COLEC12: variants seen among roughly 807,000 people sequenced by gnomAD.
COLEC12 encodes collectin subfamily member 12, also known as collectin-12.
COLEC12 carries 33 observed loss-of-function variants against 71.1 expected under a neutral mutation model. That is an observed-to-expected ratio of 0.46 (90% CI 0.35 to 0.62). The LOEUF (loss-of-function observed/expected upper bound fraction) is 0.62. Ranked by LOEUF, COLEC12 falls within the 20% of genes least tolerant of loss-of-function variation. The pLI is 0.00. For synonymous variants in COLEC12, 350 were observed against 353.0 expected, an observed-to-expected ratio of 0.99 and a Z score of 0.10; for missense variants, 765 against 916.1, an observed-to-expected ratio of 0.84 and a Z score of 2.13.
At chr18:378,290 C>T (rs762507905) in intron 2 of COLEC12, among the ~76,000 whole-genome samples, 13 of 152,162 alleles carry the variant, frequency 8.5e-5, no homozygotes, top group Non-Finnish European at 1.9e-4. Context: ...CCAGGCTGCA[C>T]AGAGCTGAGG....
intron 2 of COLEC12, among the ~76,000 whole-genome samples, chr18:431,820 C>CAGT (rs1916309808): frequency 6.6e-6 from 1 of 152,102 alleles, no homozygotes; most frequent in East Asian, 1.9e-4. Flanking sequence ...GTAGCAGCAG[C>CAGT]AGTAGTAATA....
Position 500,664 on chromosome 18 carries a change from G to A in COLEC12, c.-150C>T, listed in dbSNP as rs1166447997. Reference sequence around the variant, plus strand: ...GCCCCCGTCCTCCCTCGCCGCCGCCGGCCCGCGCTCCCCGCGCTCCCGGCT... The same window carrying A: ...GCCCCCGTCCTCCCTCGCCGCCGCCAGCCCGCGCTCCCCGCGCTCCCGGCT... On this transcript the variant is annotated 5_prime_UTR_variant, in exon 1 of 10. Transcript: ENST00000400256. The surrounding 1 kb of genome is among the most constrained non-coding windows in gnomAD (Gnocchi z 5.3). 2.0e-5 allele frequency: 9 copies of A among 454,168 alleles called. No individual in the cohort carries two copies. The highest frequency in any genetic ancestry group is 1.1e-4 in the Admixed American group (2 of 17,734). The allele number at this position is 454,168 out of a possible 1,614,324, so 28.1% of individuals were successfully genotyped here. A position where few individuals can be genotyped will look rare whatever the true frequency, so the allele number is the denominator to read the frequency against.
intron 2 of COLEC12, among the ~76,000 whole-genome samples, chr18:380,018 A>G (rs1362099261): frequency 2.0e-5 from 3 of 152,054 alleles, no homozygotes; most frequent in Non-Finnish European, 1.5e-5. Flanking sequence ...AAAGAATCCT[A>G]CTTCCCTCTG....
At position 500,524 on chromosome 18, in the gene COLEC12, G is replaced by A; in HGVS notation, c.-10C>T. 1 of 1,228,192 alleles carries A rather than the reference G, an allele frequency of 8.1e-7. No homozygotes were observed. The highest frequency in any genetic ancestry group is 3.8e-5 in the South Asian group (1 of 26,040). The allele number at this position is 1,228,192 out of a possible 1,614,324, so 76.1% of individuals were successfully genotyped here. Reference sequence around the variant, plus strand: ...CCGCCCTACCTTTCATGGTGACCGTGGGGACGCACCGCCGGCCGGGGAGCT... The same window carrying A: ...CCGCCCTACCTTTCATGGTGACCGTAGGGACGCACCGCCGGCCGGGGAGCT... On this transcript the variant is annotated 5_prime_UTR_variant, in exon 1 of 10. Transcript: ENST00000400256. The surrounding 1 kb of genome is among the most constrained non-coding windows in gnomAD (Gnocchi z 5.3).
intron 1 of COLEC12, among the ~76,000 whole-genome samples, chr18:497,211 A>C (rs113184633): frequency 2.6e-5 from 4 of 152,112 alleles, no homozygotes; most frequent in African/African-American, 9.7e-5. Flanking sequence ...GCAGGATTAC[A>C]CTCCAAGAGC....
Position 334,878 on chromosome 18 carries a change from TCCAGGCACC to T in COLEC12, c.1671_1679del (p.Val558_Gly560del). The T allele has an allele frequency of 6.6e-7, 1 of 1,522,132 alleles. No homozygotes were observed. Among genetic ancestry groups the T allele is most frequent in the Non-Finnish European group, 8.7e-7 (1 of 1,145,246 alleles). The allele number at this position is 1,522,132 out of a possible 1,614,324, so 94.3% of individuals were successfully genotyped here. ...CAGGCAAGCCTGGCAGTCCCCGAGG[TCCAGGCACC>T]CCAGGCTCCCCAACGGTGCCCTGAA... is the stretch of plus-strand genomic sequence containing the variant. On this transcript the variant is annotated inframe_deletion, in exon 6 of 10. Coordinates refer to ENST00000400256, the MANE Select transcript of COLEC12 (RefSeq NM_130386.3).
intron 2 of COLEC12, among the ~76,000 whole-genome samples, chr18:411,928 T>C (rs1171102438): frequency 1.3e-5 from 2 of 152,064 alleles, no homozygotes; most frequent in African/African-American, 4.8e-5. Context: ...ACAGAGCGAA[T>C]ATAGATTGAA....
At chr18:410,596 T>C (rs1915873993) in intron 2 of COLEC12, among the ~76,000 whole-genome samples, 1 of 152,078 alleles carries the variant, frequency 6.6e-6, no homozygotes, top group African/African-American at 2.4e-5. Flanking sequence ...GCTGTATTTT[T>C]GTATTTTTAG....
rs372719909 is a variant in COLEC12, at chr18:484,402, G to A, written c.8-3645C>T. Among the ~76,000 whole-genome samples the A allele has an allele frequency of 1.8e-4, 27 of 152,238 alleles. No individual in the cohort carries two copies. The East Asian group carries it at 4.6e-3, about 26-fold the overall frequency. On this transcript the variant is annotated intron_variant, in intron 1 of 9. Transcript: ENST00000400256. The stretch of plus-strand genomic sequence containing the variant: ...CTGCTTCTCATCTTAACCCTCATCC[G>A]AAAAGGATTAGGGATTCTTGTAACA...
In COLEC12 at chr18:481,064, TTC is replaced by T. The variant is rs368352538; in HGVS notation, c.8-309_8-308del. 4.6e-5 allele frequency among the ~76,000 whole-genome samples: 7 copies of T among 152,304 alleles called. No individual in the cohort carries two copies. In the East Asian group the frequency reaches 1.2e-3, roughly 25 times the overall value. On this transcript the variant is annotated intron_variant, in intron 1 of 9. Transcript: ENST00000400256. ...CTGCCACGCTACACTAATTCAATGT[TTC>T]TCTCTGATATCTTCCTCACATGTGT...
chr18:347,607 C>G (rs958032328), intron 4 of COLEC12, among the ~76,000 whole-genome samples: 1 of 152,004 alleles, frequency 6.6e-6, no homozygotes, highest in Non-Finnish European at 1.5e-5. Flanking sequence ...GATTTTAGGG[C>G]AGTGGGCAGG....
chr18:441,244 T>C (rs1018337941), intron 2 of COLEC12, among the ~76,000 whole-genome samples: 5 of 151,570 alleles, frequency 3.3e-5, no homozygotes, highest in African/African-American at 1.2e-4. Context: ...CGAGACTCTG[T>C]CTCAAAAAAT....
chr18:370,351 C>G (rs1230981815), intron 2 of COLEC12, among the ~76,000 whole-genome samples: 1 of 151,874 alleles, frequency 6.6e-6, no homozygotes, highest in Non-Finnish European at 1.5e-5. Context: ...ATTTTATTTC[C>G]CCGATGGCCA....
In COLEC12 at chr18:395,635, C is replaced by T. The variant is rs368254225; in HGVS notation, c.59-38113G>A. Among the ~76,000 whole-genome samples the T allele has an allele frequency of 1.2e-4, 19 of 152,210 alleles. 1 individual carries two copies. In the South Asian group the frequency reaches 1.9e-3, roughly 15 times the overall value. ...CCTAGAGTTTATATAAGTTCCGAGG[C>T]GATTAGAGTCAGCCGACAAATTGGA... On this transcript the variant is annotated intron_variant, in intron 2 of 9. Transcript: ENST00000400256.
At chr18:341,485 G>A (rs1312681769) in intron 5 of COLEC12, among the ~76,000 whole-genome samples, 2 of 152,142 alleles carry the variant, frequency 1.3e-5, no homozygotes, top group Non-Finnish European at 2.9e-5. Flanking sequence ...AGCATCCTGG[G>A]GTCTGATTCA....
At chr18:482,467 C>A (rs1312456100) in intron 1 of COLEC12, among the ~76,000 whole-genome samples, 2 of 151,948 alleles carry the variant, frequency 1.3e-5, no homozygotes, top group Non-Finnish European at 2.9e-5. Flanking sequence ...TCTAGGGGAC[C>A]CTGTCTGACT....
rs140424631 is a variant in COLEC12, at chr18:442,700, G to A, written c.58+38007C>T. ...AAGTCAGCCGGGCGCAGTGGCTCACGCCTGTAATCCCAGTACTTTGGGAGG... is the reference window on the plus strand; with the variant it reads ...AAGTCAGCCGGGCGCAGTGGCTCACACCTGTAATCCCAGTACTTTGGGAGG... On this transcript the variant is annotated intron_variant, in intron 2 of 9. Coordinates refer to ENST00000400256, the MANE Select transcript of COLEC12 (RefSeq NM_130386.3). Among the ~76,000 whole-genome samples, 52 of 152,342 alleles carry A rather than the reference G, an allele frequency of 3.4e-4. No homozygotes were observed. The East Asian group carries it at 9.4e-3, about 28-fold the overall frequency.
In COLEC12 at chr18:464,771, T is replaced by C. The variant is rs116261541; in HGVS notation, c.58+15936A>G. On this transcript the variant is annotated intron_variant, in intron 2 of 9. Coordinates refer to ENST00000400256, the MANE Select transcript of COLEC12 (RefSeq NM_130386.3). ...AATACAACAGGTACACAACATATAC[T>C]GTTCAATCTCATCCAACGAACTCTC... Among the ~76,000 whole-genome samples, 921 of 152,352 alleles carry C rather than the reference T, an allele frequency of 6.0e-3. 14 individuals carry two copies. Among genetic ancestry groups the C allele is most frequent in the African/African-American group, 0.021 (867 of 41,582 alleles).
At chr18:405,822 C>T (rs149205054) in intron 2 of COLEC12, among the ~76,000 whole-genome samples, 25 of 152,052 alleles carry the variant, frequency 1.6e-4, no homozygotes, top group African/African-American at 5.8e-4. Flanking sequence ...CCTGGCCTGC[C>T]GTTCATCTGC....
Sources: allele counts gnomAD v4.1 joint callset (sites outside exome capture counted in the v4.1 genomes callset), GRCh38; gene constraint gnomAD v4.1.1; non-coding constraint Gnocchi (gnomAD v3.1); transcripts MANE v1.5; gene names NCBI Gene and HGNC (gene_info 2026-07-23, HGNC 2026-07-21).